The following ADAMTSL4 variants were observed in gnomAD, a reference collection of about 807,000 sequenced individuals.
The protein encoded by ADAMTSL4 is ADAMTS like 4.
Under a neutral mutation model 122.8 loss-of-function variants are expected in ADAMTSL4, and 97 were observed. The ratio of observed to expected loss-of-function variants is 0.79; its 90% CI spans 0.67 to 0.93. The LOEUF (loss-of-function observed/expected upper bound fraction) is 0.93. ADAMTSL4 is among the 40% of genes least tolerant of loss of function. ADAMTSL4 has a pLI of 0.00. For synonymous variants in ADAMTSL4, 592 were observed against 568.0 expected (o/e 1.04, Z -0.60); for missense variants, 1,408 against 1,453.5 (o/e 0.97, Z 0.51).
chr1:150,557,467 T>C, intron 12 of ADAMTSL4, 27 bp from the exon 13 acceptor site: 1 of 1,613,046 alleles, frequency 6.2e-7, no homozygotes, highest in South Asian at 1.1e-5. Flanking sequence ...GCCTCCTGCC[T>C]CCCTGGCTGC....
rs756215120 is a variant in ADAMTSL4 at position 150,559,797 on chromosome 1, G to A, written c.2980G>A (p.Glu994Lys). Residue 994 changes from glutamate (E) to lysine (K), a missense_variant, in exon 18 of 19, where the codon GAG becomes AAG. By Grantham distance (56) the Glu-to-Lys change is moderately conservative. Transcript: ENST00000271643. This position sits in a 1 kb window ranked among gnomAD's most constrained non-coding sequence, Gnocchi z 4.1. ...RSCQGGTQTR[E>K]VQCLSTNQTL... is the part of the protein sequence containing the mutation. The stretch of plus-strand genomic sequence containing the variant: ...CTGCCAAGGGGGAACGCAGACACGG[G>A]AGGTCCAGTGCCTGAGCACCAACCA... 6.8e-6 allele frequency: 11 copies of A among 1,613,970 alleles called. No individual in the cohort carries two copies. The Admixed American group carries it at 1.8e-4, about 27-fold the overall frequency.
At chr1:150,551,955 T>G in intron 2 of ADAMTSL4, 2 of 358,256 alleles carry the variant, frequency 5.6e-6, no homozygotes, top group Middle Eastern at 3.5e-4. Context: ...CTAGGTAGGA[T>G]TTGGGGAGGA....
rs769194347 is a variant in ADAMTSL4, at chr1:150,556,630, G to A, written c.1586G>A (p.Gly529Asp). ...RPSSNYLALRGPGGRSIINGN... is the reference protein window; with the variant it reads ...RPSSNYLALRDPGGRSIINGN... ...CACCTCTGACCCGCAGCACTTCGTG[G>A]CCCTGGGGGCCGGTCCATCATCAAT... The change falls in exon 10 of 19, where the codon GGC becomes GAC. Residue 529 changes from glycine (G) to aspartate (D), a missense_variant. By Grantham distance (94) the Gly-to-Asp change is moderately conservative (BLOSUM62 -1). Transcript: ENST00000271643. The surrounding 1 kb of genome is among the most constrained non-coding windows in gnomAD (Gnocchi z 4.1). The A allele has an allele frequency of 2.5e-6, 4 of 1,614,038 alleles. No individual in the cohort carries two copies. Among genetic ancestry groups the A allele is most frequent in the Non-Finnish European group, 3.4e-6 (4 of 1,180,008 alleles).
chr1:150,555,966 G>A lies in ADAMTSL4; in HGVS notation c.1372-196G>A, dbSNP rs1672064261. ...GGAGAATTCTCACCTGCCAAGCTGC[G>A]CTGAGCAGAGCCTGAAGGATCTGAT... is the stretch of plus-strand genomic sequence containing the variant. On this transcript the variant is annotated intron_variant, in intron 8 of 18. Coordinates refer to ENST00000271643, the MANE Select transcript of ADAMTSL4 (RefSeq NM_019032.6). 1.5e-5 allele frequency: 10 copies of A among 648,116 alleles called. 1 individual carries two copies. Among genetic ancestry groups the A allele is most frequent in the South Asian group, 7.1e-5 (4 of 56,126 alleles). 40.1% of individuals were successfully genotyped at this position (648,116 alleles called of 1,614,324 possible). A position where few individuals can be genotyped will look rare whatever the true frequency, so the allele number is the denominator to read the frequency against.
In ADAMTSL4 at chr1:150,559,296, G is replaced by C. The variant is rs202208107; in HGVS notation, c.2773G>C (p.Glu925Gln). ...YTGPWGECSS[E>Q]CGSGTQRRDI... ...CCTCCCCCTACACTAGTGCTCCTCC[G>C]AATGTGGCTCTGGCACACAGCGTAG... The change falls in exon 17 of 19, where the codon GAA becomes CAA. Residue 925 changes from glutamate (E) to glutamine (Q), a missense_variant. Glu to Gln is a conservative substitution (Grantham distance 29). Coordinates refer to ENST00000271643, the MANE Select transcript of ADAMTSL4 (RefSeq NM_019032.6). The surrounding 1 kb of genome is among the most constrained non-coding windows in gnomAD (Gnocchi z 4.1). 1 of 1,613,964 alleles carries C rather than the reference G, an allele frequency of 6.2e-7. No individual in the cohort carries two copies. Among genetic ancestry groups the C allele is most frequent in the Non-Finnish European group, 8.5e-7 (1 of 1,179,972 alleles).
At position 150,557,573 on chromosome 1, in the gene ADAMTSL4, C is replaced by T. The variant is rs761420430; in HGVS notation, c.2127C>T (p.Ala709=). 6.2e-6 allele frequency: 10 copies of T among 1,605,106 alleles called. No individual in the cohort carries two copies. Among genetic ancestry groups the T allele is most frequent in the East Asian group, 4.5e-5 (2 of 44,490 alleles). The stretch of plus-strand genomic sequence containing the variant: ...ATGAACGCAGCTGTGCCGCGGGTGC[C>T]AGGCCCCCAGCCTCCCCTGAACCCT... ...ELDERSCAAG[A]RPPASPEPCH... Residue 709 remains alanine (A), a synonymous_variant, in exon 13 of 19, where the codon GCC becomes GCT. Coordinates refer to ENST00000271643, the MANE Select transcript of ADAMTSL4 (RefSeq NM_019032.6).
Position 150,553,483 on chromosome 1 carries a change from T to G in ADAMTSL4, c.492T>G (p.Phe164Leu). The G allele has an allele frequency of 1.9e-6, 3 of 1,613,870 alleles. No homozygotes were observed. The highest frequency in any genetic ancestry group is 2.5e-6 in the Non-Finnish European group (3 of 1,179,954). The change falls in exon 6 of 19, where the codon TTT becomes TTG. Residue 164 changes from phenylalanine (F) to leucine (L), a missense_variant. Coordinates refer to ENST00000271643, the MANE Select transcript of ADAMTSL4 (RefSeq NM_019032.6). ...PGMFGYGRVP[F>L]ALPLHRNRRH... ...TGTTCGGTTATGGGAGAGTGCCCTT[T>G]GCATTGCCACTGCACCGGAACCGCA...
In ADAMTSL4 at chr1:150,558,533, G is replaced by A. The variant is rs1433260668; in HGVS notation, c.2443G>A (p.Gly815Ser). The change falls in exon 15 of 19, where the codon GGT (glycine) becomes AGT (serine). Residue 815 changes from glycine to serine, a missense_variant. Coordinates refer to ENST00000271643, the MANE Select transcript of ADAMTSL4 (RefSeq NM_019032.6). ...GCAGGTTCGCTGTGTTGGGAACAAT[G>A]GTGATGAAGTGAGCGAGCAGGAGTG... is the stretch of plus-strand genomic sequence containing the variant. Reference protein sequence around the residue: ...SRQVRCVGNNGDEVSEQECAS... With the variant: ...SRQVRCVGNNSDEVSEQECAS... 33 of 1,613,706 alleles carry A rather than the reference G, an allele frequency of 2.0e-5. No individual in the cohort carries two copies. Among genetic ancestry groups the A allele is most frequent in the Non-Finnish European group, 2.5e-5 (30 of 1,179,940 alleles).
At chr1:150,555,378 C>T (rs761255647) in intron 7 of ADAMTSL4, 51 bp from the exon 8 acceptor site, 17 of 1,611,032 alleles carry the variant, frequency 1.1e-5, no homozygotes, top group Non-Finnish European at 1.4e-5. Context: ...CCTCTCTCAG[C>T]TAACCTCCCA....
At position 150,558,532 on chromosome 1, in the gene ADAMTSL4, T is replaced by C. The variant is rs10888382; in HGVS notation, c.2442T>C (p.Asn814=). 0.93 allele frequency: 1,503,393 copies of C among 1,613,790 alleles called. 703,156 individuals are homozygous for C. Among genetic ancestry groups the C allele is most frequent in the Non-Finnish European group, 0.95 (1,123,476 of 1,180,018 alleles). Residue 814 remains asparagine (N), a synonymous_variant, in exon 15 of 19, where the codon AAT becomes AAC. Coordinates refer to ENST00000271643, the MANE Select transcript of ADAMTSL4 (RefSeq NM_019032.6). ...GGCAGGTTCGCTGTGTTGGGAACAA[T>C]GGTGATGAAGTGAGCGAGCAGGAGT... ...RSRQVRCVGN[N]GDEVSEQECA... is the part of the protein sequence containing the mutation.
rs1265602729 is a variant in ADAMTSL4 at position 150,554,132 on chromosome 1, C to T, written c.1131+10C>T. On this transcript the variant is annotated intron_variant, in intron 6 of 18. Transcript: ENST00000271643. The surrounding 1 kb of genome is among the most constrained non-coding windows in gnomAD (Gnocchi z 4.0). ...AGCCTGCAGCCAAGCGGTGAGTCTC[C>T]TCGGGCCTCCCCTCCCAACCCCGAC... 1.3e-6 allele frequency: 2 copies of T among 1,598,416 alleles called. No homozygotes were observed. Among genetic ancestry groups the T allele is most frequent in the Non-Finnish European group, 1.7e-6 (2 of 1,179,834 alleles).
At chr1:150,550,656 G>C in intron 2 of ADAMTSL4, 1 of 436,698 alleles carries the variant, frequency 2.3e-6, no homozygotes, top group South Asian at 1.6e-5. Flanking sequence ...GACTTGGGTG[G>C]AACATGGGCC....
intron 13 of ADAMTSL4, 25 bp downstream of exon 13, chr1:150,557,648 A>C: frequency 6.3e-7 from 1 of 1,590,248 alleles, no homozygotes; most frequent in Non-Finnish European, 8.6e-7. Flanking sequence ...GCCCACGGGG[A>C]GGGTTAGGGT....
rs1672586087 is a variant in ADAMTSL4 at position 150,559,694 on chromosome 1, G to A, written c.2944-67G>A. 1 of 1,609,896 alleles carries A rather than the reference G, an allele frequency of 6.2e-7. No individual in the cohort carries two copies. The highest frequency in any genetic ancestry group is 2.2e-5 in the East Asian group (1 of 44,826). ...CCACCACCTTTTGGGGAGAGAGGTG[G>A]CAGCCAGGGGTTAAGGAGAATCCCG... On this transcript the variant is annotated intron_variant, in intron 17 of 18. Coordinates refer to ENST00000271643, the MANE Select transcript of ADAMTSL4 (RefSeq NM_019032.6). The surrounding 1 kb of genome is among the most constrained non-coding windows in gnomAD (Gnocchi z 4.1).
rs1216502140 is a variant in ADAMTSL4, at chr1:150,560,166, C to T, written c.3195C>T (p.Val1065=). The change falls in exon 19 of 19, where the codon GTC becomes GTT. Residue 1065 remains valine, a synonymous_variant. Transcript: ENST00000271643. ...TATCCRSCAH[V]LERSPQDPS Reference sequence around the variant, plus strand: ...CCTGTTGCCGCTCTTGCGCACATGTCCTGGAGCGGTCTCCCCAGGATCCCT... The same window carrying T: ...CCTGTTGCCGCTCTTGCGCACATGTTCTGGAGCGGTCTCCCCAGGATCCCT... 1 of 1,614,078 alleles carries T rather than the reference C, an allele frequency of 6.2e-7. No individual in the cohort carries two copies. The highest frequency in any genetic ancestry group is 1.7e-5 in the Admixed American group (1 of 60,024).
chr1:150,559,072 C>G lies in ADAMTSL4; in HGVS notation c.2670C>G (p.Ser890Arg). The G allele has an allele frequency of 2.5e-6, 4 of 1,612,710 alleles. No individual in the cohort carries two copies. The highest frequency in any genetic ancestry group is 3.4e-6 in the Non-Finnish European group (4 of 1,179,950). The change falls in exon 16 of 19, where the codon AGC becomes AGG. Residue 890 changes from serine to arginine, a missense_variant. Coordinates refer to ENST00000271643, the MANE Select transcript of ADAMTSL4 (RefSeq NM_019032.6). The surrounding 1 kb of genome is among the most constrained non-coding windows in gnomAD (Gnocchi z 4.1). ...QGEAGAGTGQ[S>R]CPTGSRPPDM... ...AAGCAGGAGCAGGAACTGGGCAGAG[C>G]TGTCCAACAGGAAGCCGGCCCCCTG...
In ADAMTSL4 at chr1:150,554,996, T is replaced by C. The variant is rs1404477883; in HGVS notation, c.1235-433T>C. 6.6e-6 allele frequency among the ~76,000 whole-genome samples: 1 copy of C among 151,234 alleles called. No individual in the cohort carries two copies. Among genetic ancestry groups the C allele is most frequent in the East Asian group, 1.9e-4 (1 of 5,146 alleles). On this transcript the variant is annotated intron_variant, in intron 7 of 18. Coordinates refer to ENST00000271643, the MANE Select transcript of ADAMTSL4 (RefSeq NM_019032.6). This position sits in a 1 kb window ranked among gnomAD's most constrained non-coding sequence, Gnocchi z 4.0. ...CCTCAACTGACCTGACCACCTTTTTTTTTTTTTTTCTGAGACAGAGTCTCA... is the reference window on the plus strand; with the variant it reads ...CCTCAACTGACCTGACCACCTTTTTCTTTTTTTTTCTGAGACAGAGTCTCA...
Position 150,552,985 on chromosome 1 carries a change from T to A in ADAMTSL4, c.166T>A (p.Cys56Ser). The A allele has an allele frequency of 6.2e-7, 1 of 1,613,256 alleles. No homozygotes were observed. Among genetic ancestry groups the A allele is most frequent in the Non-Finnish European group, 8.5e-7 (1 of 1,179,940 alleles). The change falls in exon 5 of 19, where the codon TGC (cysteine) becomes AGC (serine). Residue 56 changes from cysteine to serine, a missense_variant. Cys to Ser is a moderately radical substitution (Grantham distance 112). Coordinates refer to ENST00000271643, the MANE Select transcript of ADAMTSL4 (RefSeq NM_019032.6). This position sits in a 1 kb window ranked among gnomAD's most constrained non-coding sequence, Gnocchi z 4.0. Reference sequence around the variant, plus strand: ...GGGACCTTGGGTCCAGTGGGCCTCTTGCTCCCAGCCCTGCGGGGTGGGGGT... The same window carrying A: ...GGGACCTTGGGTCCAGTGGGCCTCTAGCTCCCAGCCCTGCGGGGTGGGGGT... ...VWGPWVQWASCSQPCGVGVQR... is the reference protein window; with the variant it reads ...VWGPWVQWASSSQPCGVGVQR...
At chr1:150,558,199 G>A in intron 14 of ADAMTSL4, 50 bp downstream of exon 14, 1 of 1,609,186 alleles carries the variant, frequency 6.2e-7, no homozygotes. Context: ...GGGCACAGGT[G>A]AACAACAGCA....
Sources: gnomAD v4.1 joint callset for allele counts (sites outside exome capture counted in the v4.1 genomes callset) on GRCh38, gnomAD v4.1.1 for gene constraint, Gnocchi (gnomAD v3.1) non-coding constraint, MANE v1.5 for transcripts, NCBI Gene and HGNC (gene_info 2026-07-23, HGNC 2026-07-21) for gene names.